The following SLC39A12 variants were observed in gnomAD, a reference collection of about 807,000 sequenced individuals.
SLC39A12 encodes the protein zinc transporter ZIP12.
Under a neutral mutation model 71.1 loss-of-function variants are expected in SLC39A12, and 63 were observed. The observed-to-expected ratio is 0.89, with a 90% confidence interval of 0.72 to 1.09. The LOEUF is 1.09. SLC39A12 is among the 50% of genes least tolerant of loss of function. The pLI is 0.00. For synonymous variants in SLC39A12, 351 were observed against 301.3 expected (o/e 1.16, Z -1.71); for missense variants, 892 against 812.6 (o/e 1.10, Z -1.19).
chr10:18,003,611 C>G (rs992415176), intron 12 of SLC39A12, among the ~76,000 whole-genome samples: 1 of 152,108 alleles, frequency 6.6e-6, no homozygotes, highest in African/African-American at 2.4e-5. Flanking sequence ...GCATGTAAGA[C>G]TTTTTTCTTT....
intron 12 of SLC39A12, among the ~76,000 whole-genome samples, chr10:18,009,243 C>T (rs1836129708): frequency 6.6e-6 from 1 of 152,004 alleles, no homozygotes; most frequent in Admixed American, 6.6e-5. Context: ...AGAGATGTCC[C>T]TACAATGGGG....
chr10:18,023,682 G>A (rs923762662), intron 12 of SLC39A12, among the ~76,000 whole-genome samples: 1 of 152,188 alleles, frequency 6.6e-6, no homozygotes, highest in African/African-American at 2.4e-5. Context: ...TGTGCTGGGG[G>A]TGTCAGCAAA....
chr10:17,971,241 A>C, intron 4 of SLC39A12, among the ~76,000 whole-genome samples: 1 of 135,694 alleles, frequency 7.4e-6, no homozygotes, highest in South Asian at 2.5e-4. Context: ...ATCACTGTTC[A>C]TCAGAGATAT....
intron 12 of SLC39A12, among the ~76,000 whole-genome samples, chr10:18,024,828 G>C (rs752691718): frequency 6.6e-6 from 1 of 151,868 alleles, no homozygotes; most frequent in Non-Finnish European, 1.5e-5. Flanking sequence ...TGTTTTCCTG[G>C]AGTATTAAAT....
chr10:17,953,513 C>T lies in SLC39A12; in HGVS notation c.237C>T (p.Asn79=), dbSNP rs572428034. Residue 79 remains asparagine, a synonymous_variant, in exon 2 of 13, where the codon AAC becomes AAT. Transcript: ENST00000377369. The part of the protein sequence containing the change: ...LEKTGCPRRR[N]GMQGDCNLCF... The stretch of plus-strand genomic sequence containing the variant: ...AAACTGGGTGCCCACGGAGGAGAAA[C>T]GGAATGCAAGGAGATTGCAATCTGG... 40 of 1,614,078 alleles carry T rather than the reference C, an allele frequency of 2.5e-5. No individual in the cohort carries two copies. The South Asian group carries it at 3.3e-4, about 13-fold the overall frequency.
rs2130917157 is a variant in SLC39A12, at chr10:18,043,096, T to TTTTTA, written c.*263_*264insTTTTA. 5.1e-6 allele frequency: 1 copy of TTTTTA among 197,006 alleles called. No individual in the cohort carries two copies. Among genetic ancestry groups the TTTTTA allele is most frequent in the South Asian group, 1.7e-4 (1 of 5,720 alleles). 12.2% of individuals were successfully genotyped at this position (197,006 alleles called of 1,614,324 possible). A position where few individuals can be genotyped will look rare whatever the true frequency, so the allele number is the denominator to read the frequency against. On this transcript the variant is annotated 3_prime_UTR_variant, in exon 13 of 13. Coordinates refer to ENST00000377369, the MANE Select transcript of SLC39A12 (RefSeq NM_001145195.2). ...TTTTTAAAAAGTAGTTAGTAAATTC[T>TTTTTA]GCATGAATTTTAGTAAACTTTAAAA...
chr10:18,012,933 C>T (rs984660733), intron 12 of SLC39A12, among the ~76,000 whole-genome samples: 3 of 149,920 alleles, frequency 2.0e-5, no homozygotes, highest in Admixed American at 6.6e-5. Flanking sequence ...GTTAACGAAG[C>T]GTGAGGACAT....
intron 12 of SLC39A12, among the ~76,000 whole-genome samples, chr10:18,028,466 T>C (rs1836742062): frequency 6.6e-6 from 1 of 152,142 alleles, no homozygotes; most frequent in Admixed American, 6.5e-5. Flanking sequence ...ATGCTTTGCT[T>C]GTCATGAGAG....
intron 10 of SLC39A12, among the ~76,000 whole-genome samples, chr10:17,997,150 A>G (rs1369179161): frequency 6.6e-6 from 1 of 152,206 alleles, no homozygotes; most frequent in Admixed American, 6.5e-5. Context: ...CATTCAAGAA[A>G]TGTTTGAAGA....
At chr10:17,976,718 C>A (rs1269721027) in intron 4 of SLC39A12, among the ~76,000 whole-genome samples, 1 of 152,222 alleles carries the variant, frequency 6.6e-6, no homozygotes, top group Non-Finnish European at 1.5e-5. Flanking sequence ...AGCCACCACG[C>A]TGGTCCTCAA....
chr10:18,000,220 C>T (rs1271247657), intron 10 of SLC39A12, among the ~76,000 whole-genome samples: 3 of 152,160 alleles, frequency 2.0e-5, no homozygotes, highest in African/African-American at 7.2e-5. Context: ...AAGGCCCTAC[C>T]TCCTCATACC....
At chr10:18,034,269 T>C (rs1284959677) in intron 12 of SLC39A12, among the ~76,000 whole-genome samples, 8 of 149,460 alleles carry the variant, frequency 5.4e-5, no homozygotes, top group African/African-American at 2.0e-4. Flanking sequence ...TCTCCCATTA[T>C]TAATGTGTGG....
chr10:18,021,986 A>C (rs1029330267), intron 12 of SLC39A12, among the ~76,000 whole-genome samples: 2 of 152,172 alleles, frequency 1.3e-5, no homozygotes, highest in African/African-American at 4.8e-5. Flanking sequence ...TGAAAAATCA[A>C]CTGTTAGTCT....
chr10:18,024,506 C>A (rs182041826), intron 12 of SLC39A12, among the ~76,000 whole-genome samples: 2 of 152,238 alleles, frequency 1.3e-5, no homozygotes, highest in East Asian at 3.9e-4. Flanking sequence ...GGGCAGCTAT[C>A]CTTTCTCACT....
chr10:17,954,071 G>C (rs545052420), intron 2 of SLC39A12, among the ~76,000 whole-genome samples: 3 of 152,050 alleles, frequency 2.0e-5, no homozygotes, highest in Non-Finnish European at 4.4e-5. Flanking sequence ...AGCTGAAGTC[G>C]CACCCATGGC....
rs542129451 is a variant in SLC39A12 at position 18,017,465 on chromosome 10, C to T, written c.1947+14107C>T. Among the ~76,000 whole-genome samples the T allele has an allele frequency of 3.3e-5, 5 of 152,222 alleles. 1 individual carries two copies. The highest frequency in any genetic ancestry group is 4.1e-4 in the South Asian group (2 of 4,822). On this transcript the variant is annotated intron_variant, in intron 12 of 12. Transcript: ENST00000377369. ...CTAGGATTACAGGTGCATGCCACCACGCCCGGCTAATTTTTGTATTTTTAG... is the reference window on the plus strand; with the variant it reads ...CTAGGATTACAGGTGCATGCCACCATGCCCGGCTAATTTTTGTATTTTTAG...
At chr10:17,988,280 C>T (rs567608549) in intron 7 of SLC39A12, among the ~76,000 whole-genome samples, 1 of 152,188 alleles carries the variant, frequency 6.6e-6, no homozygotes, top group Non-Finnish European at 1.5e-5. Flanking sequence ...TGCACTCCAG[C>T]ATGGGTGACA....
In SLC39A12 at chr10:17,995,663, C is replaced by G; in HGVS notation, c.1541C>G (p.Pro514Arg). The change falls in exon 10 of 13, where the codon CCA becomes CGA. Residue 514 changes from proline to arginine, a missense_variant. Coordinates refer to ENST00000377369, the MANE Select transcript of SLC39A12 (RefSeq NM_001145195.2). ...TTTTTTAATTTAAAATAGAAAAGCC[C>G]AGAAGATTCACAGGCAGCTGAAATG... Reference protein sequence around the residue: ...KSASTIQLKSPEDSQAAEMPI... With the variant: ...KSASTIQLKSREDSQAAEMPI... 3 of 1,612,580 alleles carry G rather than the reference C, an allele frequency of 1.9e-6. No homozygotes were observed. Among genetic ancestry groups the G allele is most frequent in the Non-Finnish European group, 2.5e-6 (3 of 1,179,430 alleles).
intron 8 of SLC39A12, 150 bp downstream of exon 8, chr10:17,991,453 A>C (rs889945440): frequency 5.5e-6 from 3 of 548,560 alleles, no homozygotes; most frequent in Non-Finnish European, 8.9e-6. Flanking sequence ...AGCTCCTTCT[A>C]ATAGGATATT....
Sources: gnomAD v4.1 joint callset for allele counts (sites outside exome capture counted in the v4.1 genomes callset) on GRCh38, gnomAD v4.1.1 for gene constraint, MANE v1.5 for transcripts, NCBI Gene and HGNC (gene_info 2026-07-23, HGNC 2026-07-21) for gene names.